The following LRRIQ3 variants were observed in gnomAD, a reference collection of about 807,000 sequenced individuals.
LRRIQ3 encodes leucine-rich repeat and IQ domain-containing protein 3.
LRRIQ3 carries 75 observed loss-of-function variants against 59.3 expected under a neutral mutation model. That is an observed-to-expected ratio of 1.26 (90% CI 1.05 to 1.53). The LOEUF (loss-of-function observed/expected upper bound fraction) is 1.53. Among genes scored for constraint, LRRIQ3 ranks in the 40% most tolerant of loss-of-function variants. The pLI is 0.00. For missense variants in LRRIQ3, 831 were observed against 710.0 expected (o/e 1.17, Z -1.94); for synonymous variants, 250 against 231.3 (o/e 1.08, Z -0.73).
intron 1 of LRRIQ3, among the ~76,000 whole-genome samples, chr1:74,187,325 TATAG>T (rs1650464046): frequency 6.8e-6 from 1 of 147,874 alleles, no homozygotes; most frequent in Non-Finnish European, 1.5e-5. Flanking sequence ...GAGAGAGATA[TATAG>T]ATATATATAT....
chr1:74,060,808 A>G (rs192220507), intron 6 of LRRIQ3, among the ~76,000 whole-genome samples: 194 of 152,234 alleles, frequency 1.3e-3, no homozygotes, highest in African/African-American at 4.6e-3. Context: ...GAAGGAAGGC[A>G]TTGAGAGTGG....
At chr1:74,128,036 C>G (rs1358604407) in intron 4 of LRRIQ3, among the ~76,000 whole-genome samples, 1 of 151,896 alleles carries the variant, frequency 6.6e-6, no homozygotes, top group Non-Finnish European at 1.5e-5. Context: ...TAAATATATC[C>G]TGCCATTCTC....
intron 4 of LRRIQ3, among the ~76,000 whole-genome samples, chr1:74,139,131 T>C (rs1322155493): frequency 2.7e-5 from 4 of 146,130 alleles, no homozygotes; most frequent in African/African-American, 5.0e-5. Context: ...TGTGTGTATA[T>C]ATATATATAC....
chr1:74,176,961 G>C (rs1649680263), intron 3 of LRRIQ3, among the ~76,000 whole-genome samples: 2 of 152,130 alleles, frequency 1.3e-5, no homozygotes, highest in African/African-American at 4.8e-5. Flanking sequence ...CCCAGACTTT[G>C]CTGCATGGGC....
At chr1:74,097,400 C>T (rs958429786) in intron 5 of LRRIQ3, among the ~76,000 whole-genome samples, 1 of 152,050 alleles carries the variant, frequency 6.6e-6, no homozygotes, top group African/African-American at 2.4e-5. Flanking sequence ...AAATATGGGA[C>T]TATGTGAAAA....
rs1237143760 is a variant in LRRIQ3, at chr1:74,026,404, TC to T, written c.*408del. The T allele has an allele frequency of 2.0e-5, 3 of 152,566 alleles. No individual in the cohort carries two copies. Among genetic ancestry groups the T allele is most frequent in the African/African-American group, 7.2e-5 (3 of 41,450 alleles). 9.5% of individuals were successfully genotyped at this position (152,566 alleles called of 1,614,324 possible). ...AATATATAAAAGCAGGTAATAAAAG[TC>T]ATCAACGTACACAGTGTCTTAATAA... On this transcript the variant is annotated 3_prime_UTR_variant, in exon 8 of 8. Coordinates refer to ENST00000354431, the MANE Select transcript of LRRIQ3 (RefSeq NM_001105659.2).
chr1:74,083,636 T>C (rs113399548), intron 5 of LRRIQ3: 9 of 151,924 alleles, frequency 5.9e-5, no homozygotes, highest in African/African-American at 2.2e-4. Flanking sequence ...TCCTTCCAAG[T>C]CATGCTGCCT....
chr1:74,187,823 G>C (rs1650505206), intron 1 of LRRIQ3, among the ~76,000 whole-genome samples: 1 of 152,152 alleles, frequency 6.6e-6, no homozygotes, highest in Non-Finnish European at 1.5e-5. Flanking sequence ...TTGTTGGTGG[G>C]AGTGTAAATT....
intron 6 of LRRIQ3, among the ~76,000 whole-genome samples, chr1:74,047,809 C>T (rs1315373216): frequency 6.6e-6 from 1 of 152,008 alleles, no homozygotes; most frequent in East Asian, 1.9e-4. Flanking sequence ...GTTATAACAG[C>T]CCAAATAGAG....
chr1:74,107,916 A>G (rs542803596), intron 5 of LRRIQ3, among the ~76,000 whole-genome samples: 3 of 151,820 alleles, frequency 2.0e-5, no homozygotes, highest in African/African-American at 7.2e-5. Flanking sequence ...TATTCAAAAT[A>G]CAAGGGAGAT....
At chr1:74,045,328 A>T (rs1654167744) in intron 6 of LRRIQ3, among the ~76,000 whole-genome samples, 1 of 152,182 alleles carries the variant, frequency 6.6e-6, no homozygotes, top group African/African-American at 2.4e-5. Flanking sequence ...AATAAACATA[A>T]TCTAGCACAT....
At chr1:74,188,462 G>A (rs1650551114) in intron 1 of LRRIQ3, among the ~76,000 whole-genome samples, 1 of 152,114 alleles carries the variant, frequency 6.6e-6, no homozygotes, top group Non-Finnish European at 1.5e-5. Context: ...TGGCTTCTTA[G>A]TTAATGAAAT....
chr1:74,188,989 T>A (rs1311047681), intron 1 of LRRIQ3, among the ~76,000 whole-genome samples: 1 of 152,166 alleles, frequency 6.6e-6, no homozygotes, highest in African/African-American at 2.4e-5. Context: ...AAAATAACCA[T>A]CATTTTGTTA....
At chr1:74,092,917 C>G (rs1266946621) in intron 5 of LRRIQ3, among the ~76,000 whole-genome samples, 1 of 151,968 alleles carries the variant, frequency 6.6e-6, no homozygotes, top group African/African-American at 2.4e-5. Context: ...CCCTCCAACA[C>G]CCATTGTTTC....
chr1:74,052,595 C>A (rs1041657757), intron 6 of LRRIQ3, among the ~76,000 whole-genome samples: 2 of 152,036 alleles, frequency 1.3e-5, no homozygotes, highest in Middle Eastern at 3.2e-3. Flanking sequence ...TCCTCAAAAG[C>A]CTTTCTCACA....
intron 7 of LRRIQ3, among the ~76,000 whole-genome samples, chr1:74,033,188 G>T (rs951052911): frequency 6.6e-6 from 1 of 151,924 alleles, no homozygotes; most frequent in Non-Finnish European, 1.5e-5. Flanking sequence ...ATAAATCTGT[G>T]GGGCATTGAT....
intron 4 of LRRIQ3, among the ~76,000 whole-genome samples, chr1:74,154,240 CAAAAAAAAAAAAAAAAAAAAAAA>C (rs71078186): frequency 8.7e-5 from 5 of 57,278 alleles, no homozygotes; most frequent in African/African-American, 3.6e-4. Flanking sequence ...GACTCCTTCT[CAAAAAAAAAAAAAAAAAAAAAAA>C]AAAAAAAAAA....
At chr1:74,122,924 T>C (rs1646880748) in intron 4 of LRRIQ3, among the ~76,000 whole-genome samples, 1 of 152,158 alleles carries the variant, frequency 6.6e-6, no homozygotes, top group African/African-American at 2.4e-5. Context: ...TTTTGCAATC[T>C]ACTCATCTGA....
chr1:74,182,954 T>C, intron 2 of LRRIQ3, 93 bp from the exon 3 acceptor site: 1 of 640,192 alleles, frequency 1.6e-6, no homozygotes, highest in Non-Finnish European at 2.5e-6. Flanking sequence ...AAATTCAATA[T>C]TCCCCAAATA....
Sources: gnomAD v4.1 joint callset for allele counts (sites outside exome capture counted in the v4.1 genomes callset) on GRCh38, gnomAD v4.1.1 for gene constraint, MANE v1.5 for transcripts, NCBI Gene and HGNC (gene_info 2026-07-23, HGNC 2026-07-21) for gene names.